Variants in WIF1 observed in about 807,000 individuals in gnomAD.
WIF1 encodes the protein Wnt inhibitory factor 1.
WIF1 carries 35 observed loss-of-function variants against 53.5 expected under a neutral mutation model. The observed-to-expected ratio is 0.65, with a 90% CI of 0.50 to 0.87. WIF1 has a LOEUF of 0.87. Among genes scored for constraint, WIF1 ranks in the 40% least tolerant of loss-of-function variants. WIF1 has a pLI of 0.00. For synonymous variants in WIF1, 171 were observed against 170.4 expected (o/e 1.00, Z -0.03); for missense variants, 467 against 476.8 (o/e 0.98, Z 0.19).
chr12:65,063,294 G>T (rs1882641139), intron 6 of WIF1, among the ~76,000 whole-genome samples: 1 of 152,170 alleles, frequency 6.6e-6, no homozygotes, highest in South Asian at 2.1e-4. Context: ...TCAGTTTCTG[G>T]AATTTCACTG....
intron 2 of WIF1, among the ~76,000 whole-genome samples, chr12:65,085,653 G>A (rs2136626518): frequency 6.6e-6 from 1 of 152,284 alleles, no homozygotes; most frequent in Non-Finnish European, 1.5e-5. Context: ...ATTGCCTAAA[G>A]AGAAAATCTC....
At position 65,055,185 on chromosome 12, in the gene WIF1, A is replaced by G. The variant is rs1393192575; in HGVS notation, c.951T>C (p.His317=). 6.2e-7 allele frequency: 1 copy of G among 1,614,008 alleles called. No homozygotes were observed. Among genetic ancestry groups the G allele is most frequent in the African/African-American group, 1.3e-5 (1 of 74,930 alleles). ...KPVCEPGCGA[H]GTCHEPNKCQ... ...ATTTGTTGGGTTCATGGCAGGTTCC[A>G]TGTGCACCACAGCCAGGCTCGCAGA... The change falls in exon 9 of 10, where the codon CAT becomes CAC. Residue 317 remains histidine (H), a synonymous_variant. Transcript: ENST00000286574.
intron 2 of WIF1, among the ~76,000 whole-genome samples, chr12:65,090,036 C>A (rs1435244641): frequency 6.6e-6 from 1 of 152,142 alleles, no homozygotes; most frequent in Non-Finnish European, 1.5e-5. Context: ...TTACCATGTC[C>A]ATTTAAGGTA....
At chr12:65,059,263 A>T (rs4964104) in intron 7 of WIF1, among the ~76,000 whole-genome samples, 92,893 of 152,094 alleles carry the variant, frequency 0.61, 28,779 homozygotes, top group East Asian at 0.73. Flanking sequence ...AGTGACAGTT[A>T]AATGAAGAAA....
At chr12:65,073,565 T>A (rs1882814496) in intron 3 of WIF1, among the ~76,000 whole-genome samples, 2 of 152,204 alleles carry the variant, frequency 1.3e-5, no homozygotes, top group African/African-American at 4.8e-5. Context: ...CTGTTAAAGA[T>A]CAAGAGGAGT....
chr12:65,093,898 TA>T (rs77044189), intron 2 of WIF1, among the ~76,000 whole-genome samples: 1 of 152,194 alleles, frequency 6.6e-6, no homozygotes, highest in East Asian at 1.9e-4. Context: ...AAAGCTCTTC[TA>T]ACACACCATT....
chr12:65,084,934 A>G (rs1883012897), intron 2 of WIF1, among the ~76,000 whole-genome samples: 1 of 152,188 alleles, frequency 6.6e-6, no homozygotes, highest in African/African-American at 2.4e-5. Flanking sequence ...AAAAAGAACA[A>G]TCAAACACTG....
intron 3 of WIF1, among the ~76,000 whole-genome samples, chr12:65,075,114 T>C (rs1204657549): frequency 6.6e-6 from 1 of 152,184 alleles, no homozygotes; most frequent in Admixed American, 6.5e-5. Flanking sequence ...GGGGTGCTGT[T>C]GGTTACACCT....
intron 2 of WIF1, among the ~76,000 whole-genome samples, chr12:65,086,953 CAACATAGTGAA>C (rs1339680045): frequency 6.6e-6 from 1 of 150,960 alleles, no homozygotes; most frequent in African/African-American, 2.4e-5. Context: ...CCAGCCTGCC[CAACATAGTGAA>C]ACCCCATCTC....
intron 4 of WIF1, 24 bp from the exon 5 acceptor site, chr12:65,067,814 T>A (rs1359267974): frequency 1.2e-6 from 2 of 1,604,278 alleles, no homozygotes; most frequent in African/African-American, 2.7e-5. Context: ...AAACAAAGCT[T>A]ATATGGACAC....
At chr12:65,102,655 T>C (rs560727247) in intron 2 of WIF1, among the ~76,000 whole-genome samples, 2 of 152,316 alleles carry the variant, frequency 1.3e-5, no homozygotes, top group African/African-American at 4.8e-5. Context: ...TCATACATGA[T>C]GTTTTTGCCA....
chr12:65,093,939 C>T (rs772342379), intron 2 of WIF1, among the ~76,000 whole-genome samples: 4 of 152,176 alleles, frequency 2.6e-5, no homozygotes, highest in Non-Finnish European at 4.4e-5. Context: ...ATTATGATCT[C>T]ATGAAAGTAT....
intron 2 of WIF1, among the ~76,000 whole-genome samples, chr12:65,090,163 A>G (rs563477238): frequency 6.6e-6 from 1 of 152,282 alleles, no homozygotes; most frequent in Non-Finnish European, 1.5e-5. Context: ...AAAGGGGCCA[A>G]CAAGGGAGAC....
At chr12:65,079,389 A>T (rs540694142) in intron 2 of WIF1, among the ~76,000 whole-genome samples, 1 of 152,220 alleles carries the variant, frequency 6.6e-6, no homozygotes, top group African/African-American at 2.4e-5. Flanking sequence ...CCACAAAAAA[A>T]ATTCCAGGGT....
chr12:65,092,475 T>C (rs980257195), intron 2 of WIF1, among the ~76,000 whole-genome samples: 2 of 119,986 alleles, frequency 1.7e-5, no homozygotes, highest in African/African-American at 3.2e-5. Flanking sequence ...TATATGTGTG[T>C]GTGTGTATAT....
intron 2 of WIF1, among the ~76,000 whole-genome samples, chr12:65,083,339 C>A (rs978359154): frequency 1.5e-4 from 23 of 152,148 alleles, no homozygotes; most frequent in African/African-American, 5.1e-4. Context: ...TTAAAATAAT[C>A]TGAATATCTA....
intron 3 of WIF1, among the ~76,000 whole-genome samples, chr12:65,070,557 T>C (rs1339002455): frequency 6.6e-6 from 1 of 152,204 alleles, no homozygotes; most frequent in East Asian, 1.9e-4. Context: ...CTCTTTTACA[T>C]GGACAGGTAG....
At chr12:65,114,801 G>A (rs543908926) in intron 2 of WIF1, among the ~76,000 whole-genome samples, 2 of 152,230 alleles carry the variant, frequency 1.3e-5, no homozygotes, top group East Asian at 3.9e-4. Context: ...CCCCAGGGCA[G>A]CAGACAAAAT....
intron 3 of WIF1, among the ~76,000 whole-genome samples, chr12:65,072,870 A>G (rs941495812): frequency 1.2e-4 from 18 of 152,220 alleles, no homozygotes; most frequent in African/African-American, 4.1e-4. Context: ...TATGAATTCC[A>G]GTGCAGAATA....
Sources: allele counts gnomAD v4.1 joint callset (sites outside exome capture counted in the v4.1 genomes callset), GRCh38; gene constraint gnomAD v4.1.1; transcripts MANE v1.5; gene names NCBI Gene and HGNC (gene_info 2026-07-23, HGNC 2026-07-21).